RPS6KA6: variants seen among roughly 807,000 people sequenced by gnomAD.
The protein encoded by RPS6KA6 is ribosomal protein S6 kinase A6, also known as ribosomal protein S6 kinase alpha-6.
RPS6KA6 carries 27 observed loss-of-function variants against 65.4 expected under a neutral mutation model. The observed-to-expected ratio is 0.41, with a 90% confidence interval of 0.30 to 0.57. The LOEUF (loss-of-function observed/expected upper bound fraction) is 0.57, where lower values mean the gene tolerates loss of function less well. RPS6KA6 is among the 20% of genes least tolerant of loss of function. RPS6KA6 has a pLI of 0.24. For missense variants in RPS6KA6, 486 were observed against 555.6 expected (o/e 0.87, Z 1.26); for synonymous variants, 190 against 184.2 (o/e 1.03, Z -0.26).
rs1327067259 is a variant in RPS6KA6 at position 84,059,526 on chromosome X, G to A, written c.*4751C>T. The A allele has an allele frequency of 2.7e-5, 3 of 111,910 alleles. No homozygotes were observed. Among genetic ancestry groups the A allele is most frequent in the Non-Finnish European group, 3.8e-5 (2 of 53,239 alleles). 9.2% of individuals were successfully genotyped at this position (111,910 alleles called of 1,213,427 possible). A position where few individuals can be genotyped will look rare whatever the true frequency, so the allele number is the denominator to read the frequency against. ...ATTTGTTATAAGCAGCAATTTCAGA[G>A]AGAATGAATTTGGAAAGAGAAAGAA... On this transcript the variant is annotated 3_prime_UTR_variant, in exon 22 of 22. Coordinates refer to ENST00000262752, the MANE Select transcript of RPS6KA6 (RefSeq NM_014496.5).
chrX:84,126,062 A>G (rs1476374382), intron 8 of RPS6KA6, among the ~76,000 whole-genome samples: 1 of 111,340 alleles, frequency 9.0e-6, no homozygotes, highest in Non-Finnish European at 1.9e-5. Context: ...AGACTGGATG[A>G]ACCATGAAAA....
intron 12 of RPS6KA6, among the ~76,000 whole-genome samples, chrX:84,113,847 T>A (rs191073243): frequency 4.0e-4 from 45 of 111,576 alleles, no homozygotes; most frequent in African/African-American, 1.4e-3. Flanking sequence ...GTACCTCTAT[T>A]GATTGATGAT....
Position 84,059,111 on chromosome X carries a change from T to C in RPS6KA6, c.*5166A>G, listed in dbSNP as rs1474641110. ...TGTAACTTTTTAAATGGCTGTTTCTTTTCTTTTTTTTTTTTTTTTTTTTTT... is the reference window on the plus strand; with the variant it reads ...TGTAACTTTTTAAATGGCTGTTTCTCTTCTTTTTTTTTTTTTTTTTTTTTT... On this transcript the variant is annotated 3_prime_UTR_variant, in exon 22 of 22. Coordinates refer to ENST00000262752, the MANE Select transcript of RPS6KA6 (RefSeq NM_014496.5). 2 of 92,441 alleles carry C rather than the reference T, an allele frequency of 2.2e-5. No individual in the cohort carries two copies. The highest frequency in any genetic ancestry group is 3.9e-5 in the African/African-American group (1 of 25,901). The allele number at this position is 92,441 out of a possible 1,213,427, so 7.6% of individuals were successfully genotyped here. A position where few individuals can be genotyped will look rare whatever the true frequency, so the allele number is the denominator to read the frequency against.
intron 1 of RPS6KA6, among the ~76,000 whole-genome samples, chrX:84,179,537 T>C (rs2035819310): frequency 8.9e-6 from 1 of 111,816 alleles, no homozygotes; most frequent in East Asian, 2.8e-4. Context: ...CATAATATCA[T>C]GAATAAAGAC....
At chrX:84,151,652 CTATTT>C (rs1022934353) in intron 3 of RPS6KA6, among the ~76,000 whole-genome samples, 3 of 111,597 alleles carry the variant, frequency 2.7e-5, no homozygotes, top group African/African-American at 9.8e-5. Context: ...GACAACCATT[CTATTT>C]TGTTACGTGG....
At chrX:84,152,428 C>T (rs957012388) in intron 3 of RPS6KA6, among the ~76,000 whole-genome samples, 2 of 110,983 alleles carry the variant, frequency 1.8e-5, no homozygotes, top group Non-Finnish European at 3.8e-5. Context: ...ACCTCACTTT[C>T]TTCAGGTTCT....
intron 3 of RPS6KA6, among the ~76,000 whole-genome samples, chrX:84,151,365 T>C (rs1489175904): frequency 9.2e-6 from 1 of 108,310 alleles, no homozygotes; most frequent in African/African-American, 3.3e-5. Flanking sequence ...TAAAAATAAG[T>C]ATAGCTGCAT....
intron 1 of RPS6KA6, among the ~76,000 whole-genome samples, chrX:84,183,131 C>G (rs2035882033): frequency 1.8e-5 from 2 of 111,694 alleles, no homozygotes; most frequent in South Asian, 3.7e-4. Flanking sequence ...CTGCAAAGAT[C>G]TATTTATTTT....
At position 84,150,403 on chromosome X, in the gene RPS6KA6, T is replaced by C. The variant is rs764842802; in HGVS notation, c.259-2280A>G. Among the ~76,000 whole-genome samples, 6 of 111,815 alleles carry C rather than the reference T, an allele frequency of 5.4e-5. No homozygotes were observed. In the South Asian group the frequency reaches 2.3e-3, roughly 42 times the overall value. On this transcript the variant is annotated intron_variant, in intron 3 of 21. Transcript: ENST00000262752. Reference sequence around the variant, plus strand: ...CTTAGCTTTTAGCCTACCTCAGATTTTGACATGCCTTCCTCACCAAGCTTA... The same window carrying C: ...CTTAGCTTTTAGCCTACCTCAGATTCTGACATGCCTTCCTCACCAAGCTTA...
intron 8 of RPS6KA6, among the ~76,000 whole-genome samples, chrX:84,128,498 A>C (rs956508515): frequency 8.9e-6 from 1 of 111,779 alleles, no homozygotes; most frequent in African/African-American, 3.2e-5. Context: ...AGAAATAGAA[A>C]AAAAAGTCCT....
At chrX:84,113,235 C>T in intron 12 of RPS6KA6, among the ~76,000 whole-genome samples, 1 of 111,246 alleles carries the variant, frequency 9.0e-6, no homozygotes, top group Admixed American at 9.5e-5. Context: ...TCCAGACATG[C>T]AAAGAAGAGC....
intron 18 of RPS6KA6, among the ~76,000 whole-genome samples, chrX:84,099,152 A>C (rs141310331): frequency 0.015 from 1,687 of 111,266 alleles, 8 homozygotes; most frequent in Non-Finnish European, 0.025. Flanking sequence ...GAATTAATCA[A>C]GTCAGCTGTA....
At chrX:84,095,295 T>G (rs755718843) in intron 20 of RPS6KA6, among the ~76,000 whole-genome samples, 9 of 112,537 alleles carry the variant, frequency 8.0e-5, no homozygotes, top group Non-Finnish European at 1.3e-4. Context: ...AAATGTGTTC[T>G]ACTTCAAATT....
chrX:84,085,255 G>A (rs1423509232), intron 20 of RPS6KA6, among the ~76,000 whole-genome samples: 2 of 111,330 alleles, frequency 1.8e-5, no homozygotes, highest in Admixed American at 9.6e-5. Flanking sequence ...GGTGAGAGAG[G>A]GCATCTTTGT....
intron 20 of RPS6KA6, among the ~76,000 whole-genome samples, chrX:84,082,928 C>A (rs879248684): frequency 1.8e-5 from 2 of 112,123 alleles, no homozygotes; most frequent in African/African-American, 6.5e-5. Context: ...CTTCCTCACA[C>A]CTTACACAAA....
intron 6 of RPS6KA6, among the ~76,000 whole-genome samples, chrX:84,141,026 C>A (rs961780268): frequency 9.1e-6 from 1 of 110,009 alleles, no homozygotes; most frequent in Non-Finnish European, 1.9e-5. Flanking sequence ...AAACACAAGG[C>A]CCAAAATGAT....
At chrX:84,103,079 T>C (rs936679460) in intron 17 of RPS6KA6, among the ~76,000 whole-genome samples, 12 of 111,111 alleles carry the variant, frequency 1.1e-4, no homozygotes, top group African/African-American at 3.6e-4. Flanking sequence ...ATAATAACTA[T>C]TGGAGAAAAA....
At chrX:84,082,616 C>CA (rs878928686) in intron 20 of RPS6KA6, among the ~76,000 whole-genome samples, 3 of 111,237 alleles carry the variant, frequency 2.7e-5, no homozygotes, top group Middle Eastern at 9.2e-3. Flanking sequence ...CATATGGAAG[C>CA]AAAAAAGAGC....
intron 1 of RPS6KA6, among the ~76,000 whole-genome samples, chrX:84,179,456 A>C (rs184060773): frequency 1.5e-3 from 163 of 112,054 alleles, no homozygotes; most frequent in African/African-American, 5.0e-3. Context: ...TTATTAATGA[A>C]CAAATCAACT....
Sources: gnomAD v4.1 joint callset for allele counts (sites outside exome capture counted in the v4.1 genomes callset) on GRCh38, gnomAD v4.1.1 for gene constraint, MANE v1.5 for transcripts, NCBI Gene and HGNC (gene_info 2026-07-23, HGNC 2026-07-21) for gene names.